WDR72: variants seen among roughly 807,000 people sequenced by gnomAD.
The protein encoded by WDR72 is WD repeat domain 72.
In WDR72, 120 loss-of-function variants were observed where a neutral mutation model predicts 124.2. That is an observed-to-expected ratio of 0.97 (90% CI 0.83 to 1.12). WDR72 has a LOEUF of 1.12. Ranked by LOEUF, WDR72 falls within the 50% of genes most tolerant of loss-of-function variation. The probability of loss-of-function intolerance (pLI) is 0.00; values close to 1 mark genes in which losing one functional copy is unlikely to be tolerated. For synonymous variants in WDR72, 452 were observed against 441.7 expected, an observed-to-expected ratio of 1.02 and a Z score of -0.29; for missense variants, 1,387 against 1,278.8, an observed-to-expected ratio of 1.08 and a Z score of -1.29.
At chr15:53,529,793 G>C (rs1892349553) in intron 18 of WDR72, among the ~76,000 whole-genome samples, 1 of 151,820 alleles carries the variant, frequency 6.6e-6, no homozygotes, top group Non-Finnish European at 1.5e-5. Context: ...ACTCAAACCA[G>C]GCATGAAAGC....
rs539403189 is a variant in WDR72, at chr15:53,718,808, AC to A, written c.261-2124del. Among the ~76,000 whole-genome samples the A allele has an allele frequency of 3.7e-4, 50 of 136,090 alleles. No homozygotes were observed. In the East Asian group the frequency reaches 8.8e-3, roughly 24 times the overall value. The allele number at this position is 136,090 out of a possible 152,430, so 89.3% of individuals were successfully genotyped here. On this transcript the variant is annotated intron_variant, in intron 3 of 19. Transcript: ENST00000360509. Reference sequence around the variant, plus strand: ...CTTAAGATTTTTAAAAATTTTAAAAACCTTAAGATTTTTAAAAATTTTAAAA... The same window carrying A: ...CTTAAGATTTTTAAAAATTTTAAAAACTTAAGATTTTTAAAAATTTTAAAA...
At chr15:53,747,582 C>T (rs2018673443) in intron 1 of WDR72, among the ~76,000 whole-genome samples, 1 of 152,150 alleles carries the variant, frequency 6.6e-6, no homozygotes. Flanking sequence ...AGCAAAACAG[C>T]CAAGAAATCA....
chr15:53,614,575 C>T (rs1390100049), intron 15 of WDR72, among the ~76,000 whole-genome samples: 1 of 152,054 alleles, frequency 6.6e-6, no homozygotes, highest in African/African-American at 2.4e-5. Context: ...AGTCCATAAG[C>T]TTCCCTAAAG....
chr15:53,513,825 G>C lies in WDR72; in HGVS notation c.*3874C>G, dbSNP rs1891301860. On this transcript the variant is annotated 3_prime_UTR_variant, in exon 20 of 20. Coordinates refer to ENST00000360509, the MANE Select transcript of WDR72 (RefSeq NM_182758.4). ...CAACATCAACATTTTACATAAAGAT[G>C]GTATCTGAGAAGGTCAAGATGAAGG... The C allele has an allele frequency of 6.6e-6, 1 of 152,094 alleles. No individual in the cohort carries two copies. The highest frequency in any genetic ancestry group is 1.5e-5 in the Non-Finnish European group (1 of 68,022). 9.4% of individuals were successfully genotyped at this position (152,094 alleles called of 1,614,324 possible).
chr15:53,534,994 T>C (rs985903796), intron 18 of WDR72, among the ~76,000 whole-genome samples: 3 of 152,108 alleles, frequency 2.0e-5, no homozygotes, highest in Admixed American at 2.0e-4. Context: ...CTCACTGATA[T>C]TTCATTCCAC....
chr15:53,583,796 A>T (rs2012056142), intron 18 of WDR72, among the ~76,000 whole-genome samples: 1 of 152,032 alleles, frequency 6.6e-6, no homozygotes, highest in Non-Finnish European at 1.5e-5. Flanking sequence ...CAATGGCATA[A>T]GGGAAGTAGG....
At chr15:53,685,472 T>A (rs1427410968) in intron 13 of WDR72, among the ~76,000 whole-genome samples, 1 of 136,792 alleles carries the variant, frequency 7.3e-6, no homozygotes. Flanking sequence ...TGATGGAAGA[T>A]GAAATGAATG....
chr15:53,596,961 C>T, intron 18 of WDR72, 118 bp downstream of exon 18: 1 of 972,358 alleles, frequency 1.0e-6, no homozygotes, highest in Non-Finnish European at 1.6e-6. Context: ...TAGTGAATGT[C>T]TATCACTTGT....
chr15:53,569,644 C>G (rs762144770), intron 18 of WDR72, among the ~76,000 whole-genome samples: 1 of 151,900 alleles, frequency 6.6e-6, no homozygotes, highest in Non-Finnish European at 1.5e-5. Context: ...AATGTGGTAC[C>G]AGAAGATATG....
intron 16 of WDR72, 123 bp downstream of exon 16, chr15:53,613,543 G>C: frequency 5.7e-6 from 4 of 701,108 alleles, no homozygotes; most frequent in Non-Finnish European, 7.5e-6. Flanking sequence ...CACAAACATA[G>C]GTAAAATCTA....
chr15:53,592,542 C>T (rs1449017360), intron 18 of WDR72, among the ~76,000 whole-genome samples: 2 of 152,050 alleles, frequency 1.3e-5, no homozygotes, highest in Admixed American at 1.3e-4. Context: ...ACAAAAAACA[C>T]ATTTTTATTA....
chr15:53,639,649 C>A (rs560965407), intron 14 of WDR72, among the ~76,000 whole-genome samples: 20 of 151,456 alleles, frequency 1.3e-4, no homozygotes, highest in African/African-American at 4.8e-4. Flanking sequence ...GTGCCTGGCA[C>A]TGCTGTCTGA....
intron 18 of WDR72, among the ~76,000 whole-genome samples, chr15:53,549,621 G>A (rs1360189531): frequency 1.3e-5 from 2 of 151,988 alleles, no homozygotes; most frequent in East Asian, 3.9e-4. Context: ...TAAAAGATGA[G>A]TAACAGACTG....
intron 18 of WDR72, among the ~76,000 whole-genome samples, chr15:53,527,192 C>T (rs1892168375): frequency 6.6e-6 from 1 of 152,052 alleles, no homozygotes; most frequent in Admixed American, 6.6e-5. Flanking sequence ...GAGGAAGACT[C>T]TATAGCAGGA....
intron 9 of WDR72, among the ~76,000 whole-genome samples, chr15:53,708,033 C>T (rs1216030158): frequency 2.0e-5 from 3 of 152,144 alleles, no homozygotes; most frequent in Admixed American, 6.5e-5. Flanking sequence ...CTGCCTTCAC[C>T]TTCCACATTG....
chr15:53,582,203 C>T (rs528953262), intron 18 of WDR72, among the ~76,000 whole-genome samples: 1 of 152,012 alleles, frequency 6.6e-6, no homozygotes, highest in Admixed American at 6.6e-5. Flanking sequence ...CTAGGAAAAC[C>T]ATATATGTTT....
At position 53,517,710 on chromosome 15, in the gene WDR72, T is replaced by G; in HGVS notation, c.3298A>C (p.Lys1100Gln). 1.2e-6 allele frequency: 2 copies of G among 1,612,962 alleles called. No homozygotes were observed. The highest frequency in any genetic ancestry group is 1.7e-6 in the Non-Finnish European group (2 of 1,179,202). ...HSWIAKVCPC[K>Q]VS ...TGATGAGATTCCATTTAAGACACCT[T>G]GCAGGGGCAGACCTTTGCTATCCAT... The change falls in exon 20 of 20, where the codon AAG becomes CAG. Residue 1100 changes from lysine to glutamine, a missense_variant. Coordinates refer to ENST00000360509, the MANE Select transcript of WDR72 (RefSeq NM_182758.4).
chr15:53,596,683 A>G (rs2012789537), intron 18 of WDR72, among the ~76,000 whole-genome samples: 1 of 152,176 alleles, frequency 6.6e-6, no homozygotes, highest in Non-Finnish European at 1.5e-5. Context: ...CTGTTCTTCT[A>G]GCAAATATTT....
chr15:53,662,366 C>T (rs2015636989), intron 14 of WDR72, among the ~76,000 whole-genome samples: 1 of 152,090 alleles, frequency 6.6e-6, no homozygotes. Context: ...AAACTTTTCC[C>T]CAGATCTATA....
Sources: allele counts gnomAD v4.1 joint callset (sites outside exome capture counted in the v4.1 genomes callset), GRCh38; gene constraint gnomAD v4.1.1; transcripts MANE v1.5; gene names NCBI Gene and HGNC (gene_info 2026-07-23, HGNC 2026-07-21).